MIGA1: variants seen among roughly 807,000 people sequenced by gnomAD.
The protein encoded by MIGA1 is family with sequence similarity 73, member A.
Under a neutral mutation model 82.0 loss-of-function variants are expected in MIGA1, and 58 were observed. The observed-to-expected ratio is 0.71, with a 90% CI of 0.57 to 0.88. The LOEUF (loss-of-function observed/expected upper bound fraction) is 0.88, where lower values mean the gene tolerates loss of function less well. MIGA1 is among the 40% of genes least tolerant of loss of function. The pLI, the probability that MIGA1 is intolerant of heterozygous loss-of-function variation, is 0.00. For missense variants in MIGA1, 751 were observed against 749.1 expected, an observed-to-expected ratio of 1.00 and a Z score of -0.03; for synonymous variants, 249 against 253.6, an observed-to-expected ratio of 0.98 and a Z score of 0.17.
chr1:77,844,638 G>C (rs1355427119), intron 8 of MIGA1, among the ~76,000 whole-genome samples: 3 of 152,048 alleles, frequency 2.0e-5, no homozygotes, highest in African/African-American at 7.2e-5. Context: ...TTTTACAGTA[G>C]ATTTTGGATA....
At chr1:77,864,933 T>TA (rs1685606939) in intron 13 of MIGA1, among the ~76,000 whole-genome samples, 1 of 152,168 alleles carries the variant, frequency 6.6e-6, no homozygotes, top group Admixed American at 6.5e-5. Flanking sequence ...TGGATACCTT[T>TA]AAAAAAATGT....
chr1:77,804,844 G>A (rs548946431), intron 4 of MIGA1, among the ~76,000 whole-genome samples: 1 of 152,006 alleles, frequency 6.6e-6, no homozygotes, highest in East Asian at 1.9e-4. Flanking sequence ...GGCTAGGCTG[G>A]TCTCGAACTC....
intron 4 of MIGA1, among the ~76,000 whole-genome samples, chr1:77,805,593 G>A (rs150375092): frequency 6.8e-6 from 1 of 146,376 alleles, no homozygotes; most frequent in Non-Finnish European, 1.5e-5. Flanking sequence ...GCAGTGGTGT[G>A]ATCTTGGCTC....
Position 77,779,746 on chromosome 1 carries a change from C to T in MIGA1, c.81+10C>T, listed in dbSNP as rs1285829530. On this transcript the variant is annotated intron_variant, in intron 1 of 15. Coordinates refer to ENST00000370791, the MANE Select transcript of MIGA1 (RefSeq NM_198549.4). ...TGGCCTGGAGCTCCAGGTACAGGGC[C>T]AGGGGCGGGGTGGGGTGGAGAGGCG... 2 of 1,558,052 alleles carry T rather than the reference C, an allele frequency of 1.3e-6. No homozygotes were observed. Among genetic ancestry groups the T allele is most frequent in the Admixed American group, 3.8e-5 (2 of 52,042 alleles).
Position 77,803,391 on chromosome 1 carries a change from A to C in MIGA1, c.495A>C (p.Ala165=), listed in dbSNP as rs1267695034. 1 of 1,544,826 alleles carries C rather than the reference A, an allele frequency of 6.5e-7. No individual in the cohort carries two copies. The highest frequency in any genetic ancestry group is 8.7e-7 in the Non-Finnish European group (1 of 1,145,910). Residue 165 remains alanine, a synonymous_variant, in exon 4 of 16, where the codon GCA becomes GCC. Transcript: ENST00000370791. The stretch of plus-strand genomic sequence containing the variant: ...TTTTCAGTAAATATTCAGGTTCTGC[A>C]CAGAGTTTGGCCTCTGTAAGTACAG...
chr1:77,780,101 C>T (rs1681838956), intron 1 of MIGA1: 6 of 1,012,274 alleles, frequency 5.9e-6, no homozygotes, highest in Non-Finnish European at 5.9e-6. Context: ...GGAGGGACCC[C>T]CTTTTCTGGT....
At chr1:77,862,493 C>T (rs1213551779) in intron 12 of MIGA1, among the ~76,000 whole-genome samples, 2 of 152,076 alleles carry the variant, frequency 1.3e-5, no homozygotes, top group Non-Finnish European at 2.9e-5. Context: ...TGGCTCACGC[C>T]TGTAATCCCA....
At chr1:77,842,638 C>T (rs998484730) in intron 7 of MIGA1, among the ~76,000 whole-genome samples, 12 of 152,202 alleles carry the variant, frequency 7.9e-5, no homozygotes, top group Admixed American at 2.0e-4. Flanking sequence ...ACCTCCACCT[C>T]CCGGGTTCAA....
intron 2 of MIGA1, among the ~76,000 whole-genome samples, chr1:77,789,695 CAGTGAG>C (rs1682336600): frequency 6.6e-6 from 1 of 151,428 alleles, no homozygotes; most frequent in Admixed American, 6.6e-5. Context: ...CATATTTGGC[CAGTGAG>C]AGTCTATTCA....
intron 5 of MIGA1, among the ~76,000 whole-genome samples, chr1:77,813,003 C>CA (rs1683403695): frequency 6.6e-6 from 1 of 152,004 alleles, no homozygotes; most frequent in African/African-American, 2.4e-5. Context: ...TTTTTTGAGA[C>CA]AGAGTCTTGC....
intron 2 of MIGA1, among the ~76,000 whole-genome samples, chr1:77,784,439 T>C (rs1283300677): frequency 1.3e-5 from 2 of 152,166 alleles, no homozygotes; most frequent in Admixed American, 6.6e-5. Context: ...TTGACCAGGC[T>C]GGTCTTGAAC....
chr1:77,863,924 C>T lies in MIGA1; in HGVS notation c.1405C>T (p.Leu469=). The T allele has an allele frequency of 6.3e-7, 1 of 1,580,736 alleles. No homozygotes were observed. The highest frequency in any genetic ancestry group is 8.6e-7 in the Non-Finnish European group (1 of 1,163,422). ...AAATCTAAATTTTTATGATGTTGTT[C>T]TGGATTTTATATTAATGGACTCCTT... is the stretch of plus-strand genomic sequence containing the variant. The change falls in exon 13 of 16, where the codon CTG becomes TTG. Residue 469 remains leucine, a synonymous_variant. Coordinates refer to ENST00000370791, the MANE Select transcript of MIGA1 (RefSeq NM_198549.4).
chr1:77,841,570 A>T (rs1019328280), intron 7 of MIGA1, among the ~76,000 whole-genome samples: 7 of 141,610 alleles, frequency 4.9e-5, no homozygotes, highest in Non-Finnish European at 9.3e-5. Flanking sequence ...TGCTTTGAAT[A>T]AAAAAAAAAA....
chr1:77,839,511 T>G (rs998801347), intron 7 of MIGA1, among the ~76,000 whole-genome samples: 2 of 151,596 alleles, frequency 1.3e-5, no homozygotes, highest in Admixed American at 6.6e-5. Context: ...GCTGGAACTT[T>G]AGGTGTGCAC....
chr1:77,824,983 C>CTTTTTTTTTT (rs11375207), intron 7 of MIGA1, among the ~76,000 whole-genome samples: 2 of 103,148 alleles, frequency 1.9e-5, no homozygotes, highest in Non-Finnish European at 1.9e-5. Context: ...TTCTATTCCT[C>CTTTTTTTTTT]TTTTTTTTTT....
At chr1:77,834,692 T>A (rs1684363782) in intron 7 of MIGA1, among the ~76,000 whole-genome samples, 1 of 152,332 alleles carries the variant, frequency 6.6e-6, no homozygotes, top group African/African-American at 2.4e-5. Context: ...ATCCACAGTA[T>A]GTATGGGCAG....
Position 77,860,046 on chromosome 1 carries a change from CT to C in MIGA1, c.1198del (p.Ser400GlnfsTer20). ...GGGATGAATATTTTTTCAGGTAATTCTTTCAGAATCAGCTAACAGGATATTC... is the reference window on the plus strand; with the variant it reads ...GGGATGAATATTTTTTCAGGTAATTCTTCAGAATCAGCTAACAGGATATTC... On this transcript the variant is annotated frameshift_variant, in exon 11 of 16. Coordinates refer to ENST00000370791, the MANE Select transcript of MIGA1 (RefSeq NM_198549.4). LOFTEE classifies it high-confidence loss of function. 6.2e-7 allele frequency: 1 copy of C among 1,604,082 alleles called. No individual in the cohort carries two copies. Among genetic ancestry groups the C allele is most frequent in the Non-Finnish European group, 8.5e-7 (1 of 1,174,746 alleles).
At chr1:77,802,077 AG>A (rs922176391) in intron 3 of MIGA1, among the ~76,000 whole-genome samples, 1 of 152,172 alleles carries the variant, frequency 6.6e-6, no homozygotes, top group Non-Finnish European at 1.5e-5. Context: ...TGTCTTTTAA[AG>A]GATCTTTAAT....
At chr1:77,822,835 G>GTTT (rs752488187) in intron 7 of MIGA1, among the ~76,000 whole-genome samples, 19 of 109,344 alleles carry the variant, frequency 1.7e-4, no homozygotes, top group Non-Finnish European at 2.3e-4. Context: ...CTTTCAGCAT[G>GTTT]TTTTTTTTTT....
Sources: gnomAD v4.1 joint callset for allele counts (sites outside exome capture counted in the v4.1 genomes callset) on GRCh38, gnomAD v4.1.1 for gene constraint, MANE v1.5 for transcripts, NCBI Gene and HGNC (gene_info 2026-07-23, HGNC 2026-07-21) for gene names.